HMG20A: variants seen among roughly 807,000 people sequenced by gnomAD.
HMG20A encodes high mobility group protein 20A.
HMG20A carries 17 observed loss-of-function variants against 43.9 expected under a neutral mutation model. That is an observed-to-expected ratio of 0.39 (90% CI 0.27 to 0.58). The LOEUF (loss-of-function observed/expected upper bound fraction) is 0.58. HMG20A is among the 20% of genes least tolerant of loss of function. The pLI is 0.59. For missense variants in HMG20A, 341 were observed against 438.2 expected (o/e 0.78, Z 1.98); for synonymous variants, 132 against 147.5 (o/e 0.89, Z 0.76).
chr15:77,503,565 T>C, the HMG20A span, among the ~76,000 whole-genome samples: 2 of 152,180 alleles, frequency 1.3e-5, no homozygotes, highest in Non-Finnish European at 2.9e-5. Flanking sequence ...ATGTAAGCAG[T>C]GCAGCCACCC....
chr15:77,470,370 A>G (rs2072796014), intron 4 of HMG20A, among the ~76,000 whole-genome samples: 1 of 152,208 alleles, frequency 6.6e-6, no homozygotes. Context: ...TTTTAGGTCC[A>G]TAGGATGAGG....
chr15:77,478,611 C>G, intron 8 of HMG20A, 101 bp downstream of exon 8: 1 of 856,788 alleles, frequency 1.2e-6, no homozygotes, highest in East Asian at 2.6e-5. Context: ...ATTGAAATCT[C>G]CTCCAGAGGA....
At chr15:77,506,334 G>C in the HMG20A span, among the ~76,000 whole-genome samples, 1 of 152,042 alleles carries the variant, frequency 6.6e-6, no homozygotes. Flanking sequence ...TCTTTAATGG[G>C]CAGTCCTCCC....
chr15:77,475,551 G>C (rs944941446), intron 6 of HMG20A, among the ~76,000 whole-genome samples: 1 of 152,242 alleles, frequency 6.6e-6, no homozygotes, highest in African/African-American at 2.4e-5. Flanking sequence ...CTAACTGGCA[G>C]ATATTGAGAC....
the HMG20A span, among the ~76,000 whole-genome samples, chr15:77,513,914 C>G: frequency 1.3e-5 from 2 of 152,100 alleles, no homozygotes; most frequent in African/African-American, 4.8e-5. Flanking sequence ...TCAGTAGAGA[C>G]GGCGTTTCAC....
At chr15:77,497,091 G>T in the HMG20A span, among the ~76,000 whole-genome samples, 1 of 152,208 alleles carries the variant, frequency 6.6e-6, no homozygotes, top group Non-Finnish European at 1.5e-5. Context: ...GCCGACCCTC[G>T]CAAGTGTGGA....
chr15:77,479,322 G>C lies in HMG20A; in HGVS notation c.*6+1G>C, dbSNP rs2072886532. On this transcript the variant is annotated splice_donor_variant, in intron 9 of 9. Transcript: ENST00000336216. LOFTEE classifies it low-confidence loss of function (3UTR_SPLICE). The stretch of plus-strand genomic sequence containing the variant: ...GAACAGACTCGATCGTTAGGGAATG[G>C]TGAGTGCTCACTGATAAATATTTAT... 6.2e-7 allele frequency: 1 copy of C among 1,613,146 alleles called. No homozygotes were observed. Among genetic ancestry groups the C allele is most frequent in the African/African-American group, 1.3e-5 (1 of 74,884 alleles).
intron 9 of HMG20A, among the ~76,000 whole-genome samples, chr15:77,480,829 A>G (rs1336218429): frequency 2.0e-5 from 3 of 151,542 alleles, no homozygotes; most frequent in Non-Finnish European, 2.9e-5. Flanking sequence ...GAGATAGGAT[A>G]CCCCTTTACT....
Position 77,483,886 on chromosome 15 carries a change from G to C in HMG20A, c.*923G>C, listed in dbSNP as rs984927290. On this transcript the variant is annotated 3_prime_UTR_variant, in exon 10 of 10. Coordinates refer to ENST00000336216, the MANE Select transcript of HMG20A (RefSeq NM_001304504.2). ...GTAAGTGAAAACTGAGGGAATTCCT[G>C]TCTTCTTTAGGAGTAATGATTCATA... 5.3e-5 allele frequency: 8 copies of C among 152,202 alleles called. No homozygotes were observed. The highest frequency in any genetic ancestry group is 7.3e-5 in the Non-Finnish European group (5 of 68,034). The allele number at this position is 152,202 out of a possible 1,614,324, so 9.4% of individuals were successfully genotyped here. A position where few individuals can be genotyped will look rare whatever the true frequency, so the allele number is the denominator to read the frequency against.
At position 77,467,184 on chromosome 15, in the gene HMG20A, A is replaced by G. The variant is rs1380611363; in HGVS notation, c.327A>G (p.Gly109=). The change falls in exon 4 of 10, where the codon GGA becomes GGG. Residue 109 remains glycine, a synonymous_variant. Transcript: ENST00000336216. ...ATGCACCCAAATCCCCCCTTACAGG[A>G]TATGTTCGGTTCATGAATGAGCGTC... is the stretch of plus-strand genomic sequence containing the variant. ...DSNAPKSPLT[G]YVRFMNERRE... 2 of 1,614,130 alleles carry G rather than the reference A, an allele frequency of 1.2e-6. No individual in the cohort carries two copies. Among genetic ancestry groups the G allele is most frequent in the Non-Finnish European group, 1.7e-6 (2 of 1,179,998 alleles).
chr15:77,509,588 G>C, the HMG20A span, among the ~76,000 whole-genome samples: 1 of 147,712 alleles, frequency 6.8e-6, no homozygotes, highest in African/African-American at 2.5e-5. Flanking sequence ...GTGTGTGTGT[G>C]TGTGTGTGTG....
chr15:77,423,949 T>C lies in HMG20A; in HGVS notation c.-5+2945T>C, dbSNP rs567653969. On this transcript the variant is annotated intron_variant, in intron 1 of 9. Coordinates refer to ENST00000336216, the MANE Select transcript of HMG20A (RefSeq NM_001304504.2). Reference sequence around the variant, plus strand: ...AGAATACCCTTTACGTGACTTTTCATTATTTAAGCAAAAGTTTAGAGTGTC... The same window carrying C: ...AGAATACCCTTTACGTGACTTTTCACTATTTAAGCAAAAGTTTAGAGTGTC... Among the ~76,000 whole-genome samples the C allele has an allele frequency of 1.4e-4, 22 of 152,322 alleles. No individual in the cohort carries two copies. In the South Asian group the frequency reaches 4.6e-3, roughly 32 times the overall value.
At chr15:77,449,320 A>G (rs1475329215) in intron 1 of HMG20A, among the ~76,000 whole-genome samples, 1 of 152,078 alleles carries the variant, frequency 6.6e-6, no homozygotes, top group Non-Finnish European at 1.5e-5. Flanking sequence ...CTCATCTCAC[A>G]TATAAAAACC....
chr15:77,431,106 C>T (rs1343390074), intron 1 of HMG20A, among the ~76,000 whole-genome samples: 3 of 152,186 alleles, frequency 2.0e-5, no homozygotes, highest in African/African-American at 7.2e-5. Flanking sequence ...AACAATTAGA[C>T]TGACATCTGA....
At chr15:77,442,724 G>A (rs1264103127) in intron 1 of HMG20A, among the ~76,000 whole-genome samples, 1 of 152,140 alleles carries the variant, frequency 6.6e-6, no homozygotes, top group Non-Finnish European at 1.5e-5. Context: ...TTGAGATGGA[G>A]TCTTGCTCTG....
At chr15:77,450,496 T>C (rs1346616277) in intron 1 of HMG20A, among the ~76,000 whole-genome samples, 1 of 152,214 alleles carries the variant, frequency 6.6e-6, no homozygotes, top group Non-Finnish European at 1.5e-5. Flanking sequence ...AAGATGTCAC[T>C]CAGCCACCCA....
In HMG20A at chr15:77,471,003, A is replaced by G; in HGVS notation, c.544A>G (p.Lys182Glu). The change falls in exon 5 of 10, where the codon AAA becomes GAA. Residue 182 changes from lysine to glutamate, a missense_variant. Coordinates refer to ENST00000336216, the MANE Select transcript of HMG20A (RefSeq NM_001304504.2). ...AGAGGCCTACAAGGTCTTCAGTAGG[A>G]AAACCCAGGACCGTCAGAAAGGCAA... ...KTEAYKVFSR[K>E]TQDRQKGKSH... 6.2e-7 allele frequency: 1 copy of G among 1,613,218 alleles called. No homozygotes were observed. The highest frequency in any genetic ancestry group is 8.5e-7 in the Non-Finnish European group (1 of 1,179,688).
intron 1 of HMG20A, among the ~76,000 whole-genome samples, chr15:77,445,571 AT>A (rs545600353): frequency 6.6e-6 from 1 of 151,484 alleles, no homozygotes; most frequent in Non-Finnish European, 1.5e-5. Flanking sequence ...AGCATTTGTG[AT>A]TTTTTTTTCC....
chr15:77,497,673 G>C, the HMG20A span, among the ~76,000 whole-genome samples: 1 of 128,204 alleles, frequency 7.8e-6, no homozygotes, highest in Admixed American at 8.0e-5. Context: ...GAGAGAGAGA[G>C]AGAGAGAGAG....
Sources: gnomAD v4.1 joint callset for allele counts (sites outside exome capture counted in the v4.1 genomes callset) on GRCh38, gnomAD v4.1.1 for gene constraint, MANE v1.5 for transcripts, NCBI Gene and HGNC (gene_info 2026-07-23, HGNC 2026-07-21) for gene names.